CHSY3: variants seen among roughly 807,000 people sequenced by gnomAD.
CHSY3 encodes N-acetylgalactosaminyl-proteoglycan 3-beta-glucuronosyltransferase 3.
A neutral mutation model predicts 67.2 loss-of-function variants in CHSY3; 35 were observed. That is an observed-to-expected ratio of 0.52 (90% CI 0.40 to 0.69). The LOEUF (loss-of-function observed/expected upper bound fraction) is 0.69, where lower values mean the gene tolerates loss of function less well. Among genes scored for constraint, CHSY3 ranks in the 30% least tolerant of loss-of-function variants. The probability of loss-of-function intolerance (pLI) is 0.00; values close to 1 mark genes in which losing one functional copy is unlikely to be tolerated. For synonymous variants in CHSY3, 474 were observed against 434.7 expected (o/e 1.09, Z -1.12); for missense variants, 1,069 against 1,138.5 (o/e 0.94, Z 0.88).
At chr5:129,987,473 G>A (rs926879744) in intron 2 of CHSY3, among the ~76,000 whole-genome samples, 1 of 152,132 alleles carries the variant, frequency 6.6e-6, no homozygotes, top group Non-Finnish European at 1.5e-5. Flanking sequence ...CTTAATTCGT[G>A]ATATCAACTC....
intron 2 of CHSY3, among the ~76,000 whole-genome samples, chr5:129,951,489 TA>T (rs1762021194): frequency 6.6e-6 from 1 of 152,216 alleles, no homozygotes; most frequent in African/African-American, 2.4e-5. Flanking sequence ...AAATATGAGT[TA>T]AATACCAAAG....
chr5:129,954,367 G>A (rs972413787), intron 2 of CHSY3, among the ~76,000 whole-genome samples: 4 of 151,606 alleles, frequency 2.6e-5, no homozygotes, highest in African/African-American at 9.7e-5. Context: ...GTACCATGCT[G>A]TTTTGATTAC....
intron 2 of CHSY3, among the ~76,000 whole-genome samples, chr5:129,965,073 T>C (rs2149610051): frequency 6.6e-6 from 1 of 152,060 alleles, no homozygotes; most frequent in Admixed American, 6.6e-5. Context: ...GGAATTTTCT[T>C]GGTTTGTGTG....
At chr5:129,962,254 G>A (rs752890220) in intron 2 of CHSY3, among the ~76,000 whole-genome samples, 8 of 151,832 alleles carry the variant, frequency 5.3e-5, no homozygotes, top group Non-Finnish European at 7.4e-5. Flanking sequence ...CTCAGCAAAT[G>A]GTACCACCAC....
At chr5:130,120,702 G>T (rs1767986604) in intron 2 of CHSY3, among the ~76,000 whole-genome samples, 1 of 152,020 alleles carries the variant, frequency 6.6e-6, no homozygotes, top group South Asian at 2.1e-4. Flanking sequence ...CTACCTCATA[G>T]ATTTGTTGTC....
In CHSY3 at chr5:129,956,326, A is replaced by G. The variant is rs111976349; in HGVS notation, c.1086+47966A>G. ...AATCCGTGATGTTGAGCTTTTTTTC[A>G]TATGCTTGTTGGTCGTATGTAGGTC... is the stretch of plus-strand genomic sequence containing the variant. On this transcript the variant is annotated intron_variant, in intron 2 of 2. Transcript: ENST00000305031. Among the ~76,000 whole-genome samples the G allele has an allele frequency of 4.5e-3, 676 of 151,792 alleles. 8 individuals carry two copies. The highest frequency in any genetic ancestry group is 0.014 in the African/African-American group (591 of 41,378).
At chr5:129,908,781 C>T (rs1392426252) in intron 2 of CHSY3, among the ~76,000 whole-genome samples, 1 of 152,018 alleles carries the variant, frequency 6.6e-6, no homozygotes, top group Non-Finnish European at 1.5e-5. Context: ...GTAATGGCAT[C>T]TCTTTGTTTT....
At chr5:129,912,655 G>A (rs1439783425) in intron 2 of CHSY3, among the ~76,000 whole-genome samples, 1 of 152,108 alleles carries the variant, frequency 6.6e-6, no homozygotes, top group African/African-American at 2.4e-5. Context: ...AAATTAATGT[G>A]CTCATATAGG....
chr5:130,099,274 G>T (rs1054443177), intron 2 of CHSY3, among the ~76,000 whole-genome samples: 1 of 152,184 alleles, frequency 6.6e-6, no homozygotes, highest in Admixed American at 6.5e-5. Flanking sequence ...TTTCCAAACA[G>T]ATCTTTCTTT....
At chr5:130,152,026 C>A (rs1346700825) in intron 2 of CHSY3, among the ~76,000 whole-genome samples, 1 of 152,124 alleles carries the variant, frequency 6.6e-6, no homozygotes, top group African/African-American at 2.4e-5. Flanking sequence ...CTTGAGCCAG[C>A]CCAACATTAT....
intron 2 of CHSY3, among the ~76,000 whole-genome samples, chr5:129,949,171 T>G (rs888715180): frequency 6.6e-5 from 10 of 152,104 alleles, no homozygotes; most frequent in African/African-American, 1.9e-4. Context: ...ATAAATTAGA[T>G]AGACAGCAGC....
At chr5:130,120,822 C>A (rs1045074517) in intron 2 of CHSY3, among the ~76,000 whole-genome samples, 2 of 152,152 alleles carry the variant, frequency 1.3e-5, no homozygotes, top group Non-Finnish European at 2.9e-5. Flanking sequence ...CAGGGACACA[C>A]CGTAAAAGCT....
intron 2 of CHSY3, among the ~76,000 whole-genome samples, chr5:129,981,663 T>A (rs1480207700): frequency 6.6e-6 from 1 of 152,034 alleles, no homozygotes; most frequent in Non-Finnish European, 1.5e-5. Context: ...GAATTACAGG[T>A]GCAAGCAACA....
intron 2 of CHSY3, among the ~76,000 whole-genome samples, chr5:130,068,998 C>A (rs1028146207): frequency 6.6e-6 from 1 of 152,046 alleles, no homozygotes; most frequent in African/African-American, 2.4e-5. Context: ...ATATGTATTT[C>A]ATTGTGTTTG....
intron 2 of CHSY3, among the ~76,000 whole-genome samples, chr5:130,038,994 T>C (rs1764933585): frequency 6.6e-6 from 1 of 152,126 alleles, no homozygotes; most frequent in African/African-American, 2.4e-5. Flanking sequence ...CATACGAATA[T>C]TTCTATATCG....
intron 2 of CHSY3, among the ~76,000 whole-genome samples, chr5:130,131,286 GC>G (rs1487557741): frequency 6.6e-6 from 1 of 152,030 alleles, no homozygotes. Context: ...AGGCTAAAAA[GC>G]CTTTTCTGTC....
chr5:129,989,641 C>A (rs1020432644), intron 2 of CHSY3, among the ~76,000 whole-genome samples: 1 of 152,094 alleles, frequency 6.6e-6, no homozygotes, highest in Admixed American at 6.6e-5. Flanking sequence ...ATTAGCTTGA[C>A]AAGTGGTTGC....
intron 2 of CHSY3, among the ~76,000 whole-genome samples, chr5:129,918,141 A>G (rs1225663148): frequency 6.6e-6 from 1 of 152,046 alleles, no homozygotes; most frequent in African/African-American, 2.4e-5. Context: ...TGACAACTCT[A>G]TGTTTTCTCA....
intron 2 of CHSY3, chr5:130,141,528 C>G: frequency 5.2e-6 from 2 of 388,326 alleles, no homozygotes; most frequent in South Asian, 4.6e-5. Context: ...AAGTTATTAT[C>G]ACTAATGACA....
Sources: allele counts gnomAD v4.1 joint callset (sites outside exome capture counted in the v4.1 genomes callset), GRCh38; gene constraint gnomAD v4.1.1; transcripts MANE v1.5; gene names NCBI Gene and HGNC (gene_info 2026-07-23, HGNC 2026-07-21).